MTHFD2L: variants seen among roughly 807,000 people sequenced by gnomAD.
MTHFD2L encodes the protein bifunctional methylenetetrahydrofolate dehydrogenase/cyclohydrolase 2, mitochondrial.
MTHFD2L carries 29 observed loss-of-function variants against 34.9 expected under a neutral mutation model. That is an observed-to-expected ratio of 0.83 (90% CI 0.62 to 1.13). MTHFD2L has a LOEUF of 1.13. MTHFD2L is among the 50% of genes most tolerant of loss of function. MTHFD2L has a pLI of 0.00. For missense variants in MTHFD2L, 481 were observed against 446.5 expected (o/e 1.08, Z -0.70); for synonymous variants, 167 against 155.7 (o/e 1.07, Z -0.54).
At chr4:74,180,146 G>T (rs1729844986) in intron 3 of MTHFD2L, among the ~76,000 whole-genome samples, 1 of 152,024 alleles carries the variant, frequency 6.6e-6, no homozygotes, top group Admixed American at 6.6e-5. Context: ...TTGTCTCTTG[G>T]TTATGAAACT....
intron 3 of MTHFD2L, among the ~76,000 whole-genome samples, chr4:74,184,082 T>C (rs951655466): frequency 2.0e-5 from 3 of 152,186 alleles, no homozygotes; most frequent in Non-Finnish European, 2.9e-5. Flanking sequence ...CAAAGAGTTA[T>C]AGCTAATAAG....
intron 3 of MTHFD2L, among the ~76,000 whole-genome samples, chr4:74,186,738 G>A (rs1731354827): frequency 6.6e-6 from 1 of 152,052 alleles, no homozygotes; most frequent in African/African-American, 2.4e-5. Flanking sequence ...ACTAAATACT[G>A]TTAAAATACC....
chr4:74,136,145 G>A (rs963150454), intron 1 of MTHFD2L, among the ~76,000 whole-genome samples: 3 of 151,616 alleles, frequency 2.0e-5, no homozygotes, highest in Non-Finnish European at 2.9e-5. Flanking sequence ...AGAGCAATTA[G>A]GTAAGAAAAA....
chr4:74,124,330 T>C (rs1214939530), upstream of MTHFD2L, among the ~76,000 whole-genome samples: 1 of 151,960 alleles, frequency 6.6e-6, no homozygotes, highest in Non-Finnish European at 1.5e-5. Flanking sequence ...TTTCTGTTTA[T>C]TCTTTCTGAA....
intron 6 of MTHFD2L, among the ~76,000 whole-genome samples, chr4:74,238,505 T>C (rs1057222877): frequency 6.6e-6 from 1 of 151,810 alleles, no homozygotes; most frequent in Admixed American, 6.6e-5. Context: ...TGGGATCTAA[T>C]TAAAGAGCTT....
chr4:74,217,805 CTAAG>C (rs1180438227), intron 5 of MTHFD2L, among the ~76,000 whole-genome samples: 1 of 149,172 alleles, frequency 6.7e-6, no homozygotes, highest in Non-Finnish European at 1.5e-5. Context: ...ACAGTCAAGA[CTAAG>C]TAATATGCTC....
chr4:74,227,963 T>A (rs1274711884), intron 6 of MTHFD2L, among the ~76,000 whole-genome samples: 1 of 152,208 alleles, frequency 6.6e-6, no homozygotes, highest in Non-Finnish European at 1.5e-5. Context: ...ATCTGATTCT[T>A]CTATAGGCCC....
chr4:74,150,832 A>T (rs895873871), intron 1 of MTHFD2L, among the ~76,000 whole-genome samples: 9 of 152,086 alleles, frequency 5.9e-5, no homozygotes, highest in Non-Finnish European at 1.3e-4. Flanking sequence ...AAAACTAAAC[A>T]AGGATAGGAG....
chr4:74,170,009 C>T (rs73827562), intron 1 of MTHFD2L, among the ~76,000 whole-genome samples: 7,520 of 152,106 alleles, frequency 0.049, 577 homozygotes, highest in African/African-American at 0.17. Flanking sequence ...AGAAAGAAAA[C>T]CCCAGAATCA....
At chr4:74,242,723 C>A (rs191152129) in intron 6 of MTHFD2L, among the ~76,000 whole-genome samples, 122 of 152,274 alleles carry the variant, frequency 8.0e-4, no homozygotes, top group African/African-American at 2.5e-3. Context: ...TGCTTTATAT[C>A]AAGTGTAAGT....
rs572530786 is a variant in MTHFD2L at position 74,199,866 on chromosome 4, A to G, written c.524A>G (p.Asn175Ser). 25 of 1,613,910 alleles carry G rather than the reference A, an allele frequency of 1.5e-5. No homozygotes were observed. Among genetic ancestry groups the G allele is most frequent in the South Asian group, 2.2e-5 (2 of 91,068 alleles). Residue 175 changes from asparagine to serine, a missense_variant, in exon 4 of 8, where the codon AAT becomes AGT. Transcript: ENST00000325278. ...GATGTAGATGGATTTCATATTATCAATATTGGAAGATTGTGCCTTGATCAG... is the reference window on the plus strand; with the variant it reads ...GATGTAGATGGATTTCATATTATCAGTATTGGAAGATTGTGCCTTGATCAG... Reference protein sequence around the residue: ...EKDVDGFHIINIGRLCLDQHS... With the variant: ...EKDVDGFHIISIGRLCLDQHS...
At chr4:74,130,764 G>C (rs763871853) in intron 1 of MTHFD2L, among the ~76,000 whole-genome samples, 2 of 152,070 alleles carry the variant, frequency 1.3e-5, no homozygotes, top group Admixed American at 6.6e-5. Flanking sequence ...AAGAAATAAA[G>C]GGTATTCAAA....
At chr4:74,194,812 T>C (rs183620468) in intron 3 of MTHFD2L, 1 of 152,182 alleles carries the variant, frequency 6.6e-6, no homozygotes, top group Admixed American at 6.6e-5. Context: ...AATCCAGTTG[T>C]TTCTGTACCT....
At chr4:74,192,382 C>G (rs559725386) in intron 3 of MTHFD2L, among the ~76,000 whole-genome samples, 3 of 152,228 alleles carry the variant, frequency 2.0e-5, no homozygotes, top group African/African-American at 7.2e-5. Context: ...TGTCACATAC[C>G]TATCCATTTG....
chr4:74,248,584 T>C (rs2110191957), intron 6 of MTHFD2L, among the ~76,000 whole-genome samples: 1 of 148,370 alleles, frequency 6.7e-6, no homozygotes, highest in East Asian at 2.0e-4. Context: ...GGGTGTCAAT[T>C]TTGGATCTTT....
chr4:74,293,063 T>A (rs1578746301), intron 7 of MTHFD2L, among the ~76,000 whole-genome samples: 1 of 152,246 alleles, frequency 6.6e-6, no homozygotes, highest in Non-Finnish European at 1.5e-5. Context: ...TAAATTATTA[T>A]ACTTTAAGCT....
chr4:74,186,716 A>G (rs1320728936), intron 3 of MTHFD2L, among the ~76,000 whole-genome samples: 1 of 152,162 alleles, frequency 6.6e-6, no homozygotes, highest in East Asian at 1.9e-4. Context: ...AACCATGTTT[A>G]TGGATCAGAA....
chr4:74,199,301 A>AT (rs1301255582), intron 3 of MTHFD2L, among the ~76,000 whole-genome samples: 2 of 151,852 alleles, frequency 1.3e-5, no homozygotes, highest in Admixed American at 6.6e-5. Flanking sequence ...TTTATATTAG[A>AT]TTTTTTGTTA....
intron 7 of MTHFD2L, among the ~76,000 whole-genome samples, chr4:74,282,359 G>T (rs1182011555): frequency 6.6e-6 from 1 of 151,928 alleles, no homozygotes; most frequent in East Asian, 1.9e-4. Flanking sequence ...GATTATTCTG[G>T]CCAAAAAATA....
Sources: allele counts gnomAD v4.1 joint callset (sites outside exome capture counted in the v4.1 genomes callset), GRCh38; gene constraint gnomAD v4.1.1; transcripts MANE v1.5; gene names NCBI Gene and HGNC (gene_info 2026-07-23, HGNC 2026-07-21).